OTOGL: variants seen among roughly 807,000 people sequenced by gnomAD.
The protein encoded by OTOGL is otogelin-like protein.
OTOGL carries 285 observed loss-of-function variants against 318.5 expected under a neutral mutation model. That is an observed-to-expected ratio of 0.89 (90% CI 0.81 to 0.99). The LOEUF is 0.99. Among genes scored for constraint, OTOGL ranks in the 50% least tolerant of loss-of-function variants. OTOGL has a pLI of 0.00. For missense variants in OTOGL, 2,899 were observed against 2,845.6 expected, an observed-to-expected ratio of 1.02 and a Z score of -0.43; for synonymous variants, 987 against 936.5, an observed-to-expected ratio of 1.05 and a Z score of -0.99.
intron 11 of OTOGL, among the ~76,000 whole-genome samples, chr12:80,242,628 G>A (rs988059823): frequency 6.6e-6 from 1 of 152,002 alleles, no homozygotes; most frequent in Admixed American, 6.6e-5. Flanking sequence ...TTTCCTGCTT[G>A]GGTTATGATA....
At chr12:80,221,100 T>C (rs748879777) in intron 6 of OTOGL, among the ~76,000 whole-genome samples, 1 of 152,096 alleles carries the variant, frequency 6.6e-6, no homozygotes, top group Non-Finnish European at 1.5e-5. Flanking sequence ...GGTTTTCATA[T>C]TATTCTAAAG....
chr12:80,301,960 GA>G (rs1283391427), intron 27 of OTOGL, among the ~76,000 whole-genome samples: 2 of 152,200 alleles, frequency 1.3e-5, no homozygotes, highest in Admixed American at 6.5e-5. Context: ...AAAACTAGCT[GA>G]ATTTCTTTTC....
intron 1 of OTOGL, among the ~76,000 whole-genome samples, chr12:80,128,775 C>T (rs10862064): frequency 6.6e-6 from 1 of 151,962 alleles, no homozygotes; most frequent in Non-Finnish European, 1.5e-5. Flanking sequence ...GCCGCCTTGC[C>T]GTTTGATCTC....
At chr12:80,288,038 G>T (rs909808875) in intron 26 of OTOGL, among the ~76,000 whole-genome samples, 1 of 152,084 alleles carries the variant, frequency 6.6e-6, no homozygotes, top group African/African-American at 2.4e-5. Context: ...GCTGGTACTT[G>T]TTTTTCCTTT....
intron 53 of OTOGL, among the ~76,000 whole-genome samples, chr12:80,367,140 CTTTTT>C (rs34564981): frequency 1.5e-5 from 2 of 131,040 alleles, no homozygotes; most frequent in Non-Finnish European, 3.3e-5. Flanking sequence ...CCATACCCAG[CTTTTT>C]TTTTTTTTTT....
intron 30 of OTOGL, among the ~76,000 whole-genome samples, chr12:80,311,947 T>G (rs1424699976): frequency 1.3e-5 from 2 of 152,164 alleles, no homozygotes; most frequent in Non-Finnish European, 2.9e-5. Context: ...ATTTCGAAGA[T>G]CTGCACGGGT....
chr12:80,286,870 G>A (rs1022471602), intron 26 of OTOGL, among the ~76,000 whole-genome samples: 19 of 151,942 alleles, frequency 1.3e-4, no homozygotes, highest in Non-Finnish European at 1.9e-4. Context: ...AGGATTTTTC[G>A]TGTCTCTATC....
intron 34 of OTOGL, among the ~76,000 whole-genome samples, chr12:80,321,040 G>T (rs1309402567): frequency 6.6e-6 from 1 of 152,118 alleles, no homozygotes; most frequent in Non-Finnish European, 1.5e-5. Flanking sequence ...TGGCTTAGTT[G>T]TCTAATGTTT....
chr12:80,205,377 G>A (rs945794633), intron 1 of OTOGL, among the ~76,000 whole-genome samples: 45 of 152,042 alleles, frequency 3.0e-4, no homozygotes, highest in African/African-American at 4.3e-4. Flanking sequence ...AACAAATGTC[G>A]CTATAAAACA....
intron 1 of OTOGL, among the ~76,000 whole-genome samples, chr12:80,111,719 T>C (rs888703292): frequency 3.3e-5 from 5 of 152,232 alleles, no homozygotes; most frequent in Non-Finnish European, 7.3e-5. Context: ...TAGGATTGTC[T>C]TGGCTATACA....
rs1869014677 is a variant in OTOGL at position 80,099,625 on chromosome 12, A to G, written c.-20+20A>G. Reference sequence around the variant, plus strand: ...TCCCTGGTAAGTTTTGGGGGATGGAAGTGGCAGCAGTCATAAGAAAGCAAA... The same window carrying G: ...TCCCTGGTAAGTTTTGGGGGATGGAGGTGGCAGCAGTCATAAGAAAGCAAA... On this transcript the variant is annotated intron_variant, in intron 1 of 58. Coordinates refer to ENST00000547103, the MANE Select transcript of OTOGL (RefSeq NM_001378609.3). The G allele has an allele frequency of 6.6e-6, 1 of 152,234 alleles. No homozygotes were observed. The highest frequency in any genetic ancestry group is 2.1e-4 in the South Asian group (1 of 4,832). 9.4% of individuals were successfully genotyped at this position (152,234 alleles called of 1,614,324 possible). A position where few individuals can be genotyped will look rare whatever the true frequency, so the allele number is the denominator to read the frequency against.
At position 80,336,124 on chromosome 12, in the gene OTOGL, T is replaced by C; in HGVS notation, c.4584T>C (p.Pro1528=). The change falls in exon 39 of 59, where the codon CCT becomes CCC. Residue 1528 remains proline (P), a synonymous_variant. Transcript: ENST00000547103. ...AAGTGAACAGTGATATCTGCTGCCCTGAGTGGGAATGTCCTTGTAAGTTTG... is the reference window on the plus strand; with the variant it reads ...AAGTGAACAGTGATATCTGCTGCCCCGAGTGGGAATGTCCTTGTAAGTTTG... ...PVQVNSDICC[P]EWECPCRCSM... 2.5e-6 allele frequency: 4 copies of C among 1,591,268 alleles called. No individual in the cohort carries two copies. In the South Asian group the frequency reaches 4.5e-5, roughly 18 times the overall value.
chr12:80,183,404 T>C (rs906814526), intron 1 of OTOGL, among the ~76,000 whole-genome samples: 11 of 152,234 alleles, frequency 7.2e-5, no homozygotes, highest in Non-Finnish European at 1.6e-4. Flanking sequence ...TTGTTTCTTT[T>C]GGTCTTGAGA....
intron 1 of OTOGL, among the ~76,000 whole-genome samples, chr12:80,184,504 T>A (rs979646386): frequency 1.3e-5 from 2 of 152,200 alleles, no homozygotes; most frequent in African/African-American, 4.8e-5. Flanking sequence ...GACAATTTAA[T>A]AGACAAAAAT....
intron 1 of OTOGL, among the ~76,000 whole-genome samples, chr12:80,197,234 C>A (rs1876137883): frequency 6.6e-6 from 1 of 152,176 alleles, no homozygotes; most frequent in Non-Finnish European, 1.5e-5. Context: ...ATTGATGGCT[C>A]ATGTCTCCCT....
At chr12:80,331,053 C>A (rs1888035673) in intron 37 of OTOGL, among the ~76,000 whole-genome samples, 2 of 152,110 alleles carry the variant, frequency 1.3e-5, no homozygotes, top group African/African-American at 4.8e-5. Context: ...TTTATAGACA[C>A]AATACAATCC....
chr12:80,145,021 A>T (rs1331469468), intron 1 of OTOGL, among the ~76,000 whole-genome samples: 2 of 151,394 alleles, frequency 1.3e-5, no homozygotes. Context: ...GTTCACTCTG[A>T]TGGTAGTTTC....
chr12:80,103,476 C>A (rs1592453894), intron 1 of OTOGL: 1 of 586,404 alleles, frequency 1.7e-6, no homozygotes, highest in East Asian at 2.8e-5. Flanking sequence ...CTTATGAATT[C>A]TTCAACAGTC....
intron 1 of OTOGL, among the ~76,000 whole-genome samples, chr12:80,146,948 T>C (rs563461446): frequency 1.6e-4 from 24 of 152,048 alleles, no homozygotes; most frequent in Non-Finnish European, 2.6e-4. Context: ...TTCTTCTCTC[T>C]TTTTTTCTTT....
Sources: allele counts gnomAD v4.1 joint callset (sites outside exome capture counted in the v4.1 genomes callset), GRCh38; gene constraint gnomAD v4.1.1; transcripts MANE v1.5; gene names NCBI Gene and HGNC (gene_info 2026-07-23, HGNC 2026-07-21).